Variants in KCNJ3 observed in about 807,000 individuals in gnomAD.
KCNJ3 encodes G protein-activated inward rectifier potassium channel 1.
A neutral mutation model predicts 39.2 loss-of-function variants in KCNJ3; 4 were observed. The ratio of observed to expected loss-of-function variants is 0.10; its 90% CI spans 0.05 to 0.23. The LOEUF is 0.23. KCNJ3 is among the 10% of genes least tolerant of loss of function. The probability of loss-of-function intolerance (pLI) is 1.00; values close to 1 mark genes in which losing one functional copy is unlikely to be tolerated. For missense variants in KCNJ3, 276 were observed against 634.9 expected (o/e 0.43, Z 6.08); for synonymous variants, 230 against 237.4 (o/e 0.97, Z 0.29).
chr2:154,758,422 T>C (rs1358283231), intron 2 of KCNJ3, among the ~76,000 whole-genome samples: 1 of 152,214 alleles, frequency 6.6e-6, no homozygotes, highest in Non-Finnish European at 1.5e-5. Context: ...TATAAAATTA[T>C]GTAGTATTTG....
intron 2 of KCNJ3, among the ~76,000 whole-genome samples, chr2:154,846,605 T>A (rs78702686): frequency 6.6e-6 from 1 of 152,148 alleles, no homozygotes; most frequent in Non-Finnish European, 1.5e-5. Flanking sequence ...AAGTTTATAT[T>A]CAAAGCCCAT....
intron 2 of KCNJ3, among the ~76,000 whole-genome samples, chr2:154,760,144 T>C (rs1173413102): frequency 6.6e-6 from 1 of 152,200 alleles, no homozygotes; most frequent in Non-Finnish European, 1.5e-5. Context: ...AACCAGCACC[T>C]GGTGTTATTA....
chr2:154,835,289 T>C (rs1687433968), intron 2 of KCNJ3, among the ~76,000 whole-genome samples: 1 of 151,748 alleles, frequency 6.6e-6, no homozygotes, highest in African/African-American at 2.4e-5. Flanking sequence ...AAATGCTTAT[T>C]AGGCAGCATA....
chr2:154,791,222 A>G (rs1175555767), intron 2 of KCNJ3, among the ~76,000 whole-genome samples: 2 of 151,874 alleles, frequency 1.3e-5, no homozygotes, highest in Non-Finnish European at 2.9e-5. Flanking sequence ...TTGCTTATTA[A>G]TTAATTTCTG....
At chr2:154,758,494 C>G (rs2921436) in intron 2 of KCNJ3, among the ~76,000 whole-genome samples, 20,932 of 152,020 alleles carry the variant, frequency 0.14, 2,526 homozygotes, top group East Asian at 0.33. Context: ...CTTACAGTAC[C>G]TAACACAATG....
intron 2 of KCNJ3, among the ~76,000 whole-genome samples, chr2:154,820,275 A>G (rs1289067136): frequency 6.6e-6 from 1 of 152,208 alleles, no homozygotes; most frequent in Non-Finnish European, 1.5e-5. Context: ...AACTGAAACA[A>G]TTGATAGAAT....
chr2:154,724,939 C>CTATATATATATATATATATATATATATA (rs1436723749), intron 2 of KCNJ3, among the ~76,000 whole-genome samples: 2 of 50,560 alleles, frequency 4.0e-5, no homozygotes, highest in African/African-American at 1.3e-4. Flanking sequence ...ATATATATAC[C>CTATATATATATATATATATATATATATA]TTTGATGCAG....
At chr2:154,765,056 G>A (rs570463056) in intron 2 of KCNJ3, among the ~76,000 whole-genome samples, 6 of 152,182 alleles carry the variant, frequency 3.9e-5, no homozygotes, top group South Asian at 2.1e-4. Context: ...GTAGTTTGTC[G>A]GGGGGAAAGG....
intron 2 of KCNJ3, among the ~76,000 whole-genome samples, chr2:154,760,180 T>G (rs2961962): frequency 0.49 from 74,330 of 152,002 alleles, 18,309 homozygotes; most frequent in Non-Finnish European, 0.51. Flanking sequence ...GGGCCAGCTG[T>G]ATTACTGTGA....
At chr2:154,710,372 A>T (rs902850002) in intron 2 of KCNJ3, among the ~76,000 whole-genome samples, 2 of 152,236 alleles carry the variant, frequency 1.3e-5, no homozygotes, top group South Asian at 4.1e-4. Context: ...CCAAAATTTC[A>T]TTTCAAAAAG....
chr2:154,724,234 G>T (rs1021797475), intron 2 of KCNJ3, among the ~76,000 whole-genome samples: 4 of 152,084 alleles, frequency 2.6e-5, no homozygotes, highest in African/African-American at 9.7e-5. Context: ...GAAGATCTGA[G>T]ATTACACAGT....
chr2:154,813,819 G>T (rs1375850605), intron 2 of KCNJ3, among the ~76,000 whole-genome samples: 3 of 152,142 alleles, frequency 2.0e-5, no homozygotes, highest in African/African-American at 7.2e-5. Flanking sequence ...TTAGTTATAG[G>T]CCGTGATGAT....
intron 2 of KCNJ3, among the ~76,000 whole-genome samples, chr2:154,710,261 C>T (rs961973089): frequency 5.9e-5 from 9 of 152,106 alleles, no homozygotes; most frequent in Non-Finnish European, 1.2e-4. Context: ...TGTGCAACCT[C>T]AGTGGAAAAT....
At chr2:154,756,991 T>C (rs1685949469) in intron 2 of KCNJ3, among the ~76,000 whole-genome samples, 1 of 151,802 alleles carries the variant, frequency 6.6e-6, no homozygotes, top group Non-Finnish European at 1.5e-5. Context: ...CCTATATTCT[T>C]CCAAGAAAAA....
chr2:154,717,112 G>A (rs1263122824), intron 2 of KCNJ3, among the ~76,000 whole-genome samples: 1 of 152,232 alleles, frequency 6.6e-6, no homozygotes, highest in Non-Finnish European at 1.5e-5. Flanking sequence ...GGTGTGAACT[G>A]AAACCTGAAA....
intron 2 of KCNJ3, among the ~76,000 whole-genome samples, chr2:154,847,586 G>A (rs1679071183): frequency 8.0e-6 from 1 of 124,328 alleles, no homozygotes; most frequent in African/African-American, 2.5e-5. Context: ...AAATTTTCAG[G>A]ATTTTTTCTT....
chr2:154,792,352 C>A (rs1308586493), intron 2 of KCNJ3, among the ~76,000 whole-genome samples: 4 of 152,046 alleles, frequency 2.6e-5, no homozygotes, highest in Admixed American at 2.6e-4. Context: ...ACTGAATATA[C>A]AATCTCTACC....
intron 2 of KCNJ3, among the ~76,000 whole-genome samples, chr2:154,837,025 C>T (rs888076455): frequency 2.0e-5 from 3 of 152,132 alleles, no homozygotes; most frequent in Middle Eastern, 3.4e-3. Context: ...CATAGTTACA[C>T]GAGGGATAGA....
Position 154,739,108 on chromosome 2 carries a change from G to A in KCNJ3, c.919+29289G>A, listed in dbSNP as rs144732022. Among the ~76,000 whole-genome samples the A allele has an allele frequency of 9.9e-5, 15 of 152,100 alleles. No homozygotes were observed. In the East Asian group the frequency reaches 2.5e-3, roughly 25 times the overall value. On this transcript the variant is annotated intron_variant, in intron 2 of 2. Transcript: ENST00000295101. The stretch of plus-strand genomic sequence containing the variant: ...ATCTTCTAAAGTTACTTTTGTGGGG[G>A]TGGGTAGATCCTCAGGTGCTGTTTT...
Sources: allele counts gnomAD v4.1 joint callset (sites outside exome capture counted in the v4.1 genomes callset), GRCh38; gene constraint gnomAD v4.1.1; transcripts MANE v1.5; gene names NCBI Gene and HGNC (gene_info 2026-07-23, HGNC 2026-07-21).